PLEKHG1: variants seen among roughly 807,000 people sequenced by gnomAD.
The protein encoded by PLEKHG1 is pleckstrin homology domain-containing family G member 1.
In PLEKHG1, 44 loss-of-function variants were observed where a neutral mutation model predicts 100.8. The ratio of observed to expected loss-of-function variants is 0.44; its 90% confidence interval spans 0.34 to 0.56. The LOEUF is 0.56. Among genes scored for constraint, PLEKHG1 ranks in the 20% least tolerant of loss-of-function variants. PLEKHG1 has a pLI of 0.01. For synonymous variants in PLEKHG1, 640 were observed against 662.5 expected, an observed-to-expected ratio of 0.97 and a Z score of 0.52; for missense variants, 1,545 against 1,720.9, an observed-to-expected ratio of 0.90 and a Z score of 1.81.
At chr6:150,635,627 A>G (rs1312744334) in intron 1 of PLEKHG1, among the ~76,000 whole-genome samples, 4 of 152,206 alleles carry the variant, frequency 2.6e-5, no homozygotes, top group African/African-American at 2.4e-5. Flanking sequence ...ATGCATTTCC[A>G]GTGAGCTGTG....
At chr6:150,816,619 C>T (rs547597272) in intron 10 of PLEKHG1, among the ~76,000 whole-genome samples, 62 of 152,162 alleles carry the variant, frequency 4.1e-4, no homozygotes, top group Non-Finnish European at 6.3e-4. Flanking sequence ...ATACCACGCC[C>T]GGCCTCAAAC....
At chr6:150,818,301 G>T in intron 11 of PLEKHG1, 85 bp downstream of exon 12, 1 of 1,045,738 alleles carries the variant, frequency 9.6e-7, no homozygotes, top group East Asian at 2.4e-5. Context: ...TCATGAAAAT[G>T]TCGATTGTTA....
chr6:150,678,106 T>G (rs1779825036), intron 3 of PLEKHG1, among the ~76,000 whole-genome samples: 1 of 86,306 alleles, frequency 1.2e-5, no homozygotes, highest in African/African-American at 3.9e-5. Flanking sequence ...ATATATATGT[T>G]GTGGAATGAT....
intron 3 of PLEKHG1, among the ~76,000 whole-genome samples, chr6:150,686,549 ATCAC>A (rs1780137376): frequency 6.6e-6 from 1 of 152,208 alleles, no homozygotes. Flanking sequence ...ATCGAGAATG[ATCAC>A]TCATATAAAG....
intron 3 of PLEKHG1, among the ~76,000 whole-genome samples, chr6:150,686,595 C>G (rs1482820255): frequency 6.6e-6 from 1 of 152,190 alleles, no homozygotes; most frequent in East Asian, 1.9e-4. Flanking sequence ...TGGCCTTTCT[C>G]TTCTGTTGAT....
rs1562525592 is a variant in PLEKHG1, at chr6:150,795,948, T to C, written c.629+46T>C. 8.2e-6 allele frequency: 10 copies of C among 1,224,632 alleles called. 1 individual carries two copies. The highest frequency in any genetic ancestry group is 1.2e-5 in the Non-Finnish European group (10 of 826,914). 75.9% of individuals were successfully genotyped at this position (1,224,632 alleles called of 1,614,324 possible). A position where few individuals can be genotyped will look rare whatever the true frequency, so the allele number is the denominator to read the frequency against. ...AAGAGTACTTTTGTTCACTTTCACA[T>C]TGTTTCAAGTCAGCTGGTGCAGTAC... On this transcript the variant is annotated intron_variant, in intron 5 of 15. Transcript: ENST00000358517.
intron 3 of PLEKHG1, among the ~76,000 whole-genome samples, chr6:150,671,443 G>C (rs1779577967): frequency 6.6e-6 from 1 of 152,202 alleles, no homozygotes; most frequent in Admixed American, 6.5e-5. Flanking sequence ...AAAGAGGAAA[G>C]GACAGAGCCA....
At chr6:150,786,752 G>C (rs560629011) in intron 4 of PLEKHG1, among the ~76,000 whole-genome samples, 1 of 151,968 alleles carries the variant, frequency 6.6e-6, no homozygotes, top group African/African-American at 2.4e-5. Context: ...AAAATGGGCC[G>C]GGCATGGTGG....
At chr6:150,637,379 T>C (rs1582858203) in intron 1 of PLEKHG1, among the ~76,000 whole-genome samples, 1 of 151,946 alleles carries the variant, frequency 6.6e-6, no homozygotes, top group East Asian at 1.9e-4. Context: ...TGTTTGTTTG[T>C]TTGTTTTTGG....
At chr6:150,714,894 C>A (rs2128606011) in intron 3 of PLEKHG1, among the ~76,000 whole-genome samples, 1 of 151,934 alleles carries the variant, frequency 6.6e-6, no homozygotes, top group Middle Eastern at 3.4e-3. Flanking sequence ...CTGCAACCTC[C>A]ACCTCCCAGG....
chr6:150,673,631 CTTCTTTCCTTCCT>C (rs1018474356), intron 3 of PLEKHG1, among the ~76,000 whole-genome samples: 3 of 150,098 alleles, frequency 2.0e-5, no homozygotes, highest in African/African-American at 7.4e-5. Flanking sequence ...TCCTTCCTTC[CTTCTTTCCTTCCT>C]TTCTTTCCCT....
intron 3 of PLEKHG1, among the ~76,000 whole-genome samples, chr6:150,703,654 G>C (rs182666767): frequency 1.2e-4 from 18 of 149,536 alleles, no homozygotes; most frequent in African/African-American, 4.5e-4. Context: ...ACTTCCTACA[G>C]TATTAAAAAA....
At chr6:150,652,901 G>A (rs1352453840) in intron 3 of PLEKHG1, among the ~76,000 whole-genome samples, 1 of 151,998 alleles carries the variant, frequency 6.6e-6, no homozygotes, top group Non-Finnish European at 1.5e-5. Context: ...TTAAAACACT[G>A]AACTATTCTT....
intron 10 of PLEKHG1, among the ~76,000 whole-genome samples, chr6:150,814,864 C>T (rs1229713636): frequency 3.9e-5 from 6 of 152,102 alleles, no homozygotes; most frequent in South Asian, 4.1e-4. Context: ...GGACTACAGG[C>T]GCACACCACC....
chr6:150,798,864 C>T (rs1786522662), intron 5 of PLEKHG1, among the ~76,000 whole-genome samples: 2 of 152,182 alleles, frequency 1.3e-5, no homozygotes, highest in Non-Finnish European at 1.5e-5. Context: ...TCTCAGCCTC[C>T]CAAGTAGCTG....
At chr6:150,612,305 GT>G (rs1776883832) in intron 1 of PLEKHG1, among the ~76,000 whole-genome samples, 1 of 152,008 alleles carries the variant, frequency 6.6e-6, no homozygotes, top group Non-Finnish European at 1.5e-5. Context: ...CATTGAATGT[GT>G]GTTTTTTTGT....
chr6:150,796,332 A>G (rs1255043732), intron 5 of PLEKHG1, among the ~76,000 whole-genome samples: 2 of 152,202 alleles, frequency 1.3e-5, no homozygotes, highest in Non-Finnish European at 2.9e-5. Context: ...TATGAACTAT[A>G]TAAGTTTAAT....
chr6:150,685,445 G>A (rs1262886998), intron 3 of PLEKHG1, among the ~76,000 whole-genome samples: 2 of 152,194 alleles, frequency 1.3e-5, no homozygotes, highest in Non-Finnish European at 2.9e-5. Context: ...ACTCCAGTGA[G>A]GAAGGAGAGG....
intron 2 of PLEKHG1, among the ~76,000 whole-genome samples, chr6:150,642,652 T>C (rs1778318619): frequency 6.6e-6 from 1 of 152,268 alleles, no homozygotes; most frequent in African/African-American, 2.4e-5. Context: ...TGGTAAGGAC[T>C]GAATCTGTCC....
Sources: allele counts gnomAD v4.1 joint callset (sites outside exome capture counted in the v4.1 genomes callset), GRCh38; gene constraint gnomAD v4.1.1; transcripts MANE v1.5; gene names NCBI Gene and HGNC (gene_info 2026-07-23, HGNC 2026-07-21).